CR1: variants seen among roughly 807,000 people sequenced by gnomAD.
CR1 encodes complement C3b/C4b receptor 1 (Knops blood group), also known as complement receptor type 1.
In CR1, 116 loss-of-function variants were observed where a neutral mutation model predicts 187.3. The ratio of observed to expected loss-of-function variants is 0.62; its 90% confidence interval spans 0.53 to 0.72. The LOEUF is 0.72. Ranked by LOEUF, CR1 falls within the 30% of genes least tolerant of loss-of-function variation. CR1 has a pLI of 0.00. For missense variants in CR1, 1,731 were observed against 2,110.7 expected, an observed-to-expected ratio of 0.82 and a Z score of 3.52; for synonymous variants, 576 against 747.1, an observed-to-expected ratio of 0.77 and a Z score of 3.73.
At chr1:207,597,662 G>A (rs1301601249) in intron 35 of CR1, among the ~76,000 whole-genome samples, 1 of 152,222 alleles carries the variant, frequency 6.6e-6, no homozygotes, top group Non-Finnish European at 1.5e-5. Flanking sequence ...ATGTAAAATG[G>A]TGTAGCACTG....
intron 35 of CR1, among the ~76,000 whole-genome samples, chr1:207,592,113 A>T (rs1183873291): frequency 2.0e-5 from 3 of 152,244 alleles, no homozygotes; most frequent in Non-Finnish European, 2.9e-5. Flanking sequence ...CATCATCCTG[A>T]TACCAAAACC....
intron 32 of CR1, among the ~76,000 whole-genome samples, chr1:207,583,453 G>A (rs892819903): frequency 1.3e-5 from 2 of 152,120 alleles, no homozygotes; most frequent in Non-Finnish European, 2.9e-5. Context: ...AGTAGAAATA[G>A]GACTATAGCT....
rs1659447092 is a variant in CR1, at chr1:207,506,750, G to A, written c.338G>A (p.Gly113Asp). The part of the protein sequence containing the change: ...SCRNPPDPVN[G>D]MVHVIKGIQF... ...CGTAATCCTCCAGATCCTGTGAATG[G>A]CATGGTGCATGTGATCAAAGGCATC... Residue 113 changes from glycine to aspartate, a missense_variant, in exon 3 of 47, where the codon GGC becomes GAC. Around this residue, in one of 5 missense-constraint regions of CR1, gnomAD observed 237 missense variants for 240.4 expected, o/e 0.99. Transcript: ENST00000367049. 1 of 1,613,546 alleles carries A rather than the reference G, an allele frequency of 6.2e-7. No individual in the cohort carries two copies. Among genetic ancestry groups the A allele is most frequent in the African/African-American group, 1.3e-5 (1 of 74,888 alleles).
At position 207,526,745 on chromosome 1, in the gene CR1, C is replaced by G. The variant is rs1660185456; in HGVS notation, c.887-8C>G. The G allele has an allele frequency of 6.6e-7, 1 of 1,517,502 alleles. No homozygotes were observed. The highest frequency in any genetic ancestry group is 1.9e-5 in the Admixed American group (1 of 51,320). The allele number at this position is 1,517,502 out of a possible 1,614,324, so 94.0% of individuals were successfully genotyped here. A position where few individuals can be genotyped will look rare whatever the true frequency, so the allele number is the denominator to read the frequency against. ...ACAATTAGCTGTACTTTGTTTCTCT[C>G]TCCCCAGTATGTCAGCCACCTCCAG... On this transcript the variant is annotated splice_region_variant and splice_polypyrimidine_tract_variant and intron_variant, in intron 5 of 46. Transcript: ENST00000367049.
intron 4 of CR1, among the ~76,000 whole-genome samples, chr1:207,515,146 CGT>C (rs1659754805): frequency 5.3e-5 from 6 of 112,526 alleles, no homozygotes; most frequent in African/African-American, 2.0e-4. Context: ...TACGTGTATA[CGT>C]ATATATACAT....
intron 42 of CR1, among the ~76,000 whole-genome samples, 180 bp from the exon 43 acceptor site, chr1:207,619,700 G>A (rs975850660): frequency 6.6e-6 from 1 of 152,184 alleles, no homozygotes; most frequent in African/African-American, 2.4e-5. Flanking sequence ...ATTAAGAAAT[G>A]GGAGTCAGGA....
rs1055735646 is a variant in CR1, at chr1:207,564,807, A to T, written c.3866+573A>T. Among the ~76,000 whole-genome samples, 35 of 150,120 alleles carry T rather than the reference A, an allele frequency of 2.3e-4. 1 individual carries two copies. Among genetic ancestry groups the T allele is most frequent in the Admixed American group, 1.7e-3 (26 of 15,228 alleles). ...TGAGTGAAACTCCATCTCAGGAAAA[A>T]AATCATATTTTACAAGCAAAAGGGA... On this transcript the variant is annotated intron_variant, in intron 23 of 46. Transcript: ENST00000367049.
chr1:207,503,655 A>G (rs924733468), intron 1 of CR1, among the ~76,000 whole-genome samples: 6 of 152,188 alleles, frequency 3.9e-5, no homozygotes, highest in Non-Finnish European at 8.8e-5. Flanking sequence ...AGGTCCACCT[A>G]GATAACCCAG....
intron 4 of CR1, among the ~76,000 whole-genome samples, chr1:207,514,208 A>G (rs115075067): frequency 0.036 from 5,459 of 152,312 alleles, 135 homozygotes; most frequent in Middle Eastern, 0.1. Context: ...ATAATATTTA[A>G]TCATTTTTAT....
chr1:207,588,456 C>T (rs1275364543), intron 34 of CR1, among the ~76,000 whole-genome samples: 1 of 152,200 alleles, frequency 6.6e-6, no homozygotes, highest in Non-Finnish European at 1.5e-5. Flanking sequence ...CAGGCGAGAG[C>T]CCATACATAA....
At chr1:207,581,837 C>A in intron 31 of CR1, 81 bp from the exon 32 acceptor site, 2 of 926,332 alleles carry the variant, frequency 2.2e-6, no homozygotes, top group Non-Finnish European at 3.5e-6. Context: ...CTTAGGAATT[C>A]TCAGGGAGGA....
intron 1 of CR1, 49 bp downstream of exon 1, chr1:207,496,437 G>A (rs577901202): frequency 5.0e-5 from 78 of 1,549,312 alleles, no homozygotes; most frequent in African/African-American, 4.1e-5. Context: ...CGAGGAACCC[G>A]GGGCCCCGCA....
At chr1:207,593,999 T>A (rs569119702) in intron 35 of CR1, among the ~76,000 whole-genome samples, 21 of 152,308 alleles carry the variant, frequency 1.4e-4, no homozygotes, top group African/African-American at 5.1e-4. Flanking sequence ...TTTTACACTG[T>A]TGGTGGGAGT....
chr1:207,611,078 C>G (rs1437552441), intron 37 of CR1, among the ~76,000 whole-genome samples: 4 of 152,014 alleles, frequency 2.6e-5, no homozygotes, highest in African/African-American at 9.7e-5. Flanking sequence ...CCTCCCCTCC[C>G]TACCCTCACC....
chr1:207,589,705 G>A (rs1292553525), intron 35 of CR1, among the ~76,000 whole-genome samples: 2 of 152,166 alleles, frequency 1.3e-5, no homozygotes, highest in East Asian at 3.9e-4. Flanking sequence ...ATGCAAGGAA[G>A]CGAAGAACCT....
At chr1:207,620,609 T>C (rs796239685) in intron 43 of CR1, among the ~76,000 whole-genome samples, 24 of 152,328 alleles carry the variant, frequency 1.6e-4, no homozygotes, top group African/African-American at 5.5e-4. Context: ...AAGTTAGTGC[T>C]ACACTTTCCC....
chr1:207,519,311 AAAAT>A (rs1659900054), intron 4 of CR1, among the ~76,000 whole-genome samples: 2 of 151,862 alleles, frequency 1.3e-5, no homozygotes, highest in Admixed American at 1.3e-4. Context: ...ATAAAAATTA[AAAAT>A]AAATAAATTT....
chr1:207,587,500 G>T lies in CR1; in HGVS notation c.5645G>T (p.Gly1882Val). The T allele has an allele frequency of 6.2e-7, 1 of 1,613,960 alleles. No individual in the cohort carries two copies. Among genetic ancestry groups the T allele is most frequent in the Middle Eastern group, 1.6e-4 (1 of 6,062 alleles). Reference sequence around the variant, plus strand: ...TATGAATGCCGTCCTGGGTATTTTGGGAAAATGTTCTCTATCTCCTGCCTA... The same window carrying T: ...TATGAATGCCGTCCTGGGTATTTTGTGAAAATGTTCTCTATCTCCTGCCTA... ...LNYECRPGYF[G>V]KMFSISCLEN... is the part of the protein sequence containing the mutation. Residue 1882 changes from glycine (G) to valine (V), a missense_variant, in exon 34 of 47, where the codon GGG becomes GTG. By Grantham distance (109) the Gly-to-Val change is moderately radical (BLOSUM62 -3). This residue lies in a region of CR1 where 1,312 missense variants were observed against 1,379.6 expected (regional missense o/e 0.95). Coordinates refer to ENST00000367049, the MANE Select transcript of CR1 (RefSeq NM_000651.6).
chr1:207,522,359 G>A (rs1660024903), intron 4 of CR1, among the ~76,000 whole-genome samples: 2 of 152,184 alleles, frequency 1.3e-5, no homozygotes, highest in Admixed American at 1.3e-4. Flanking sequence ...GATTACCAGG[G>A]CCTAGTTCTT....
Sources: allele counts gnomAD v4.1 joint callset (sites outside exome capture counted in the v4.1 genomes callset), GRCh38; gene constraint gnomAD v4.1.1; regional missense constraint gnomAD v4.1.1; transcripts MANE v1.5; gene names NCBI Gene and HGNC (gene_info 2026-07-23, HGNC 2026-07-21).